SCN11A: variants seen among roughly 807,000 people sequenced by gnomAD.
SCN11A encodes sodium channel protein type 11 subunit alpha.
A neutral mutation model predicts 162.2 loss-of-function variants in SCN11A; 122 were observed. The ratio of observed to expected loss-of-function variants is 0.75; its 90% CI spans 0.65 to 0.87. The LOEUF (loss-of-function observed/expected upper bound fraction) is 0.87. Among genes scored for constraint, SCN11A ranks in the 40% least tolerant of loss-of-function variants. The pLI, the probability that SCN11A is intolerant of heterozygous loss-of-function variation, is 0.00. For missense variants in SCN11A, 2,015 were observed against 2,181.6 expected (o/e 0.92, Z 1.52); for synonymous variants, 758 against 751.5 (o/e 1.01, Z -0.14).
chr3:38,879,940 G>T lies in SCN11A; in HGVS notation c.3393+10C>A. Reference sequence around the variant, plus strand: ...CCAGCCTGTGTGGGACACAGAGATGGTAAACTTACAATCACAATGATGAAA... The same window carrying T: ...CCAGCCTGTGTGGGACACAGAGATGTTAAACTTACAATCACAATGATGAAA... On this transcript the variant is annotated intron_variant, in intron 23 of 29. Transcript: ENST00000302328. The T allele has an allele frequency of 6.2e-7, 1 of 1,610,568 alleles. No individual in the cohort carries two copies. Among genetic ancestry groups the T allele is most frequent in the Non-Finnish European group, 8.5e-7 (1 of 1,178,000 alleles).
intron 10 of SCN11A, 26 bp from the exon 11 acceptor site, chr3:38,920,027 C>A (rs779279518): frequency 6.4e-7 from 1 of 1,560,276 alleles, no homozygotes; most frequent in South Asian, 1.1e-5. Flanking sequence ...GTCATAAATT[C>A]AGATTTTAAA....
intron 11 of SCN11A, among the ~76,000 whole-genome samples, chr3:38,915,760 A>G (rs1280539467): frequency 3.9e-5 from 6 of 152,148 alleles, no homozygotes; most frequent in African/African-American, 1.4e-4. Flanking sequence ...TGTGGTGATG[A>G]GAAGAATGTA....
chr3:38,867,576 C>T (rs2065062044), intron 26 of SCN11A, 118 bp from the exon 27 acceptor site: 3 of 710,190 alleles, frequency 4.2e-6, no homozygotes. Flanking sequence ...ACTACATAGC[C>T]TCTTCCTAAC....
chr3:38,910,692 C>T (rs2065875218), intron 11 of SCN11A, among the ~76,000 whole-genome samples: 1 of 152,136 alleles, frequency 6.6e-6, no homozygotes. Context: ...CTTTTCATAT[C>T]ACCATACAGG....
chr3:39,032,661 G>A (rs1459045129), intron 1 of SCN11A, among the ~76,000 whole-genome samples, 158 bp from the exon 2 acceptor site: 1 of 152,166 alleles, frequency 6.6e-6, no homozygotes, highest in Non-Finnish European at 1.5e-5. Flanking sequence ...TAAAACTTAT[G>A]AGACAGTTGA....
intron 5 of SCN11A, among the ~76,000 whole-genome samples, chr3:38,948,038 T>C (rs2066544473): frequency 6.6e-6 from 1 of 152,202 alleles, no homozygotes; most frequent in South Asian, 2.1e-4. Context: ...CAACCTTCCT[T>C]TAATGAGCTG....
chr3:38,963,527 A>C, intron 2 of SCN11A, among the ~76,000 whole-genome samples: 1 of 149,892 alleles, frequency 6.7e-6, no homozygotes. Context: ...ACATATATAT[A>C]ATGGAACACT....
intron 2 of SCN11A, among the ~76,000 whole-genome samples, chr3:39,027,196 T>C (rs1381239981): frequency 1.3e-5 from 2 of 152,178 alleles, no homozygotes; most frequent in African/African-American, 2.4e-5. Flanking sequence ...TGAACATCCC[T>C]GTCTTGTTTA....
At chr3:38,926,517 A>C (rs1575300716) in intron 8 of SCN11A, among the ~76,000 whole-genome samples, 4 of 148,296 alleles carry the variant, frequency 2.7e-5, no homozygotes, top group South Asian at 4.3e-4. Flanking sequence ...TCATTGGCAC[A>C]CCCCTGTATC....
chr3:38,999,325 T>C (rs1211655559), intron 2 of SCN11A, among the ~76,000 whole-genome samples: 2 of 152,212 alleles, frequency 1.3e-5, no homozygotes, highest in Non-Finnish European at 2.9e-5. Flanking sequence ...GTGTGCTTTT[T>C]TTCTAAAAAA....
At chr3:39,020,039 T>G (rs1040588293) in intron 2 of SCN11A, among the ~76,000 whole-genome samples, 1 of 152,232 alleles carries the variant, frequency 6.6e-6, no homozygotes, top group Admixed American at 6.5e-5. Flanking sequence ...ATCCCTGCTC[T>G]GTCTTTTTCT....
Position 38,883,402 on chromosome 3 carries a change from T to G in SCN11A, c.3065-15A>C. 1 of 1,609,898 alleles carries G rather than the reference T, an allele frequency of 6.2e-7. No individual in the cohort carries two copies. Among genetic ancestry groups the G allele is most frequent in the East Asian group, 2.2e-5 (1 of 44,870 alleles). ...GCAACCAAAGCCTGAAAGGAATTAA[T>G]GGTAGCACTATCATTAGTGTCTGTA... is the stretch of plus-strand genomic sequence containing the variant. On this transcript the variant is annotated splice_polypyrimidine_tract_variant and intron_variant, in intron 21 of 29. Transcript: ENST00000302328.
intron 2 of SCN11A, among the ~76,000 whole-genome samples, chr3:38,990,021 G>A (rs969072465): frequency 3.3e-5 from 5 of 152,138 alleles, no homozygotes; most frequent in Admixed American, 1.3e-4. Flanking sequence ...TTTGATTACA[G>A]GAGAATTCAC....
chr3:38,922,042 T>C (rs576500432), intron 9 of SCN11A, among the ~76,000 whole-genome samples: 2 of 152,350 alleles, frequency 1.3e-5, no homozygotes, highest in South Asian at 2.1e-4. Context: ...GCTACCAATA[T>C]GATGTCACTG....
intron 3 of SCN11A, among the ~76,000 whole-genome samples, chr3:38,959,904 G>T (rs1225434819): frequency 6.6e-6 from 1 of 152,120 alleles, no homozygotes; most frequent in African/African-American, 2.4e-5. Flanking sequence ...TAAATAAATT[G>T]GCCACGGGGA....
chr3:38,851,283 G>C (rs980215363), intron 28 of SCN11A, among the ~76,000 whole-genome samples: 40 of 152,122 alleles, frequency 2.6e-4, no homozygotes, highest in African/African-American at 9.2e-4. Context: ...ATTCTTCAAT[G>C]CCAATTTTAA....
intron 23 of SCN11A, among the ~76,000 whole-genome samples, chr3:38,874,344 T>TC (rs2065175648): frequency 6.6e-6 from 1 of 152,170 alleles, no homozygotes; most frequent in South Asian, 2.1e-4. Context: ...AAGCCTGTAA[T>TC]CCCAGCACTT....
chr3:38,972,704 G>A (rs1314286384), intron 2 of SCN11A, among the ~76,000 whole-genome samples: 1 of 151,946 alleles, frequency 6.6e-6, no homozygotes, highest in Non-Finnish European at 1.5e-5. Flanking sequence ...GGTCAAAGGA[G>A]ACATACAGAG....
intron 2 of SCN11A, among the ~76,000 whole-genome samples, chr3:38,962,211 G>A (rs2066745940): frequency 6.6e-6 from 1 of 152,116 alleles, no homozygotes; most frequent in Non-Finnish European, 1.5e-5. Context: ...TCTCTATTCT[G>A]TTCCATAGGT....
Sources: gnomAD v4.1 joint callset for allele counts (sites outside exome capture counted in the v4.1 genomes callset) on GRCh38, gnomAD v4.1.1 for gene constraint, MANE v1.5 for transcripts, NCBI Gene and HGNC (gene_info 2026-07-23, HGNC 2026-07-21) for gene names.